SCN2A: variants seen among roughly 807,000 people sequenced by gnomAD.
The protein encoded by SCN2A is sodium voltage-gated channel alpha subunit 2.
Under a neutral mutation model 188.7 loss-of-function variants are expected in SCN2A, and 20 were observed. The ratio of observed to expected loss-of-function variants is 0.11; its 90% confidence interval spans 0.07 to 0.15. SCN2A has a LOEUF of 0.15. SCN2A is among the 10% of genes least tolerant of loss of function. The probability of loss-of-function intolerance (pLI) is 1.00; values close to 1 mark genes in which losing one functional copy is unlikely to be tolerated. For synonymous variants in SCN2A, 804 were observed against 833.1 expected, an observed-to-expected ratio of 0.97 and a Z score of 0.60; for missense variants, 1,278 against 2,445.0, an observed-to-expected ratio of 0.52 and a Z score of 10.07.
At chr2:165,291,889 C>G (rs1245390873) in intron 1 of SCN2A, among the ~76,000 whole-genome samples, 1 of 151,870 alleles carries the variant, frequency 6.6e-6, no homozygotes, top group Non-Finnish European at 1.5e-5. Flanking sequence ...TTACCCTGGA[C>G]AGAGTAATTA....
chr2:165,373,411 A>G, intron 21 of SCN2A, 64 bp downstream of exon 21: 1 of 1,577,220 alleles, frequency 6.3e-7, no homozygotes. Context: ...ACTTTGTACC[A>G]TGGAAATGTC....
intron 14 of SCN2A, among the ~76,000 whole-genome samples, chr2:165,332,400 A>AT (rs1431230164): frequency 7.2e-5 from 11 of 152,064 alleles, no homozygotes; most frequent in Admixed American, 7.2e-4. Context: ...TTGGCCTCTT[A>AT]TTTTGTATCA....
intron 18 of SCN2A, 116 bp from the exon 19 acceptor site, chr2:165,367,101 A>C: frequency 1.0e-6 from 1 of 993,236 alleles, no homozygotes. Flanking sequence ...TATCTTAAAA[A>C]TTAATGTTAT....
intron 4 of SCN2A, among the ~76,000 whole-genome samples, chr2:165,308,289 GTA>G (rs534986140): frequency 6.0e-4 from 92 of 152,066 alleles, no homozygotes; most frequent in African/African-American, 2.2e-3. Context: ...TGTGTTACTA[GTA>G]TATGTTTGAT....
At chr2:165,275,985 G>A (rs1695323279) in intron 1 of SCN2A, among the ~76,000 whole-genome samples, 1 of 151,892 alleles carries the variant, frequency 6.6e-6, no homozygotes, top group Non-Finnish European at 1.5e-5. Context: ...TGCCCTCCTC[G>A]GCCTCCCAAA....
rs1262526424 is a variant in SCN2A at position 165,391,586 on chromosome 2, G to A, written c.*1762G>A. 1 of 152,302 alleles carries A rather than the reference G, an allele frequency of 6.6e-6. No homozygotes were observed. The highest frequency in any genetic ancestry group is 2.4e-5 in the African/African-American group (1 of 41,354). The allele number at this position is 152,302 out of a possible 1,614,324, so 9.4% of individuals were successfully genotyped here. On this transcript the variant is annotated 3_prime_UTR_variant, in exon 27 of 27. Transcript: ENST00000375437. ...ACTGTAAACTTGCACACATTTCAATGTGAAACAAATCTCAAACTGAGTTCA... is the reference window on the plus strand; with the variant it reads ...ACTGTAAACTTGCACACATTTCAATATGAAACAAATCTCAAACTGAGTTCA...
chr2:165,265,468 GATCTATAT>G (rs1298041915), intron 1 of SCN2A, among the ~76,000 whole-genome samples: 223 of 19,780 alleles, frequency 0.011, 4 homozygotes, highest in Middle Eastern at 0.026. Flanking sequence ...TTACTCTGTT[GATCTATAT>G]ATATATATAT....
intron 6 of SCN2A, 72 bp from the exon 7 acceptor site, chr2:165,310,251 T>A: frequency 6.8e-7 from 1 of 1,473,788 alleles, no homozygotes; most frequent in Non-Finnish European, 9.5e-7. Flanking sequence ...CAGGACAAGC[T>A]CATGATATTT....
intron 25 of SCN2A, among the ~76,000 whole-genome samples, chr2:165,382,084 A>G: frequency 6.6e-6 from 1 of 152,100 alleles, no homozygotes. Flanking sequence ...TCTTTAGGAA[A>G]TAATACAATT....
intron 25 of SCN2A, among the ~76,000 whole-genome samples, chr2:165,383,370 G>T (rs552707827): frequency 2.6e-5 from 4 of 152,220 alleles, no homozygotes; most frequent in Admixed American, 2.6e-4. Flanking sequence ...GAAGGGGAAT[G>T]AATTTGTGAA....
At chr2:165,359,327 A>G (rs1377740443) in intron 17 of SCN2A, among the ~76,000 whole-genome samples, 2 of 152,110 alleles carry the variant, frequency 1.3e-5, no homozygotes, top group Non-Finnish European at 2.9e-5. Context: ...ACTTTCGGAT[A>G]ATAGCTTGTT....
chr2:165,295,879 G>A lies in SCN2A; in HGVS notation c.56G>A (p.Arg19Lys), dbSNP rs17183814. 0.075 allele frequency: 121,328 copies of A among 1,614,062 alleles called. 4,993 individuals are homozygous for A. The highest frequency in any genetic ancestry group is 0.12 in the South Asian group (10,652 of 91,082). The change falls in exon 2 of 27, where the codon AGG (arginine) becomes AAG (lysine). Residue 19 changes from arginine (R) to lysine (K), a missense_variant. Physicochemically the swap from Arg to Lys is conservative, Grantham distance 26. Coordinates refer to ENST00000375437, the MANE Select transcript of SCN2A (RefSeq NM_001040142.2). ...CCTGACAGCTTCCGCTTCTTTACCA[G>A]GGAATCCCTTGCTGCTATTGAACAA... Reference protein sequence around the residue: ...PGPDSFRFFTRESLAAIEQRI... With the variant: ...PGPDSFRFFTKESLAAIEQRI...
intron 1 of SCN2A, among the ~76,000 whole-genome samples, chr2:165,245,102 T>C (rs1244079345): frequency 1.3e-5 from 2 of 152,228 alleles, no homozygotes; most frequent in Non-Finnish European, 2.9e-5. Flanking sequence ...ATGGTGATGC[T>C]GTCTCTGTAT....
chr2:165,294,193 G>T, intron 1 of SCN2A: 1 of 798,546 alleles, frequency 1.3e-6, no homozygotes, highest in Non-Finnish European at 1.5e-6. Flanking sequence ...TACCTTTACA[G>T]TAGTAGAATC....
chr2:165,296,104 C>A lies in SCN2A; in HGVS notation c.267+14C>A. On this transcript the variant is annotated intron_variant, in intron 2 of 26. Coordinates refer to ENST00000375437, the MANE Select transcript of SCN2A (RefSeq NM_001040142.2). ...ATCAATAAGAAAGTGAGTTCTTAGTCAAGTTGCCTTCACTGCCTATTTACT... is the reference window on the plus strand; with the variant it reads ...ATCAATAAGAAAGTGAGTTCTTAGTAAAGTTGCCTTCACTGCCTATTTACT... 3 of 1,610,588 alleles carry A rather than the reference C, an allele frequency of 1.9e-6. 1 individual carries two copies. The highest frequency in any genetic ancestry group is 4.2e-4 in the Middle Eastern group (2 of 4,760).
chr2:165,331,436 C>T lies in SCN2A; in HGVS notation c.2256C>T (p.Val752=). The change falls in exon 14 of 27, where the codon GTC becomes GTT. Residue 752 remains valine, a synonymous_variant. Coordinates refer to ENST00000375437, the MANE Select transcript of SCN2A (RefSeq NM_001040142.2). ...CATGGTTAAAGGTGAAACACCTTGT[C>T]AACCTGGTTGTAATGGACCCATTTG... ...CKPWLKVKHL[V]NLVVMDPFVD... is the part of the protein sequence containing the mutation. The T allele has an allele frequency of 2.5e-6, 4 of 1,613,794 alleles. No homozygotes were observed. The South Asian group carries it at 4.4e-5, about 18-fold the overall frequency.
In SCN2A at chr2:165,386,896, C is replaced by A; in HGVS notation, c.4702C>A (p.Leu1568Met). The change falls in exon 26 of 27, where the codon CTG (leucine) becomes ATG (methionine). Residue 1568 changes from leucine to methionine, a missense_variant. Transcript: ENST00000375437. ...EMTNILYWIN[L>M]VFIVLFTGEC... Reference sequence around the variant, plus strand: ...GACAAACATTCTGTACTGGATTAATCTGGTGTTTATTGTTCTGTTCACTGG... The same window carrying A: ...GACAAACATTCTGTACTGGATTAATATGGTGTTTATTGTTCTGTTCACTGG... 6.2e-7 allele frequency: 1 copy of A among 1,613,894 alleles called. No individual in the cohort carries two copies. The highest frequency in any genetic ancestry group is 1.7e-4 in the Middle Eastern group (1 of 6,058).
intron 7 of SCN2A, 139 bp downstream of exon 7, chr2:165,310,734 T>A (rs1174943411): frequency 3.8e-6 from 2 of 529,586 alleles, no homozygotes; most frequent in Non-Finnish European, 6.1e-6. Flanking sequence ...ATAAAAGAGA[T>A]ATCAAATGAT....
At position 165,367,390 on chromosome 2, in the gene SCN2A, A is replaced by C. The variant is rs142439830; in HGVS notation, c.3675+19A>C. On this transcript the variant is annotated intron_variant, in intron 19 of 26. Transcript: ENST00000375437. ...GGCTCTGGTAGGTGATGCATGATCC[A>C]CTCCTTCACCTTTCATCTGAAATCT... 9 of 1,612,816 alleles carry C rather than the reference A, an allele frequency of 5.6e-6. No homozygotes were observed. The highest frequency in any genetic ancestry group is 6.8e-6 in the Non-Finnish European group (8 of 1,179,068).
Sources: gnomAD v4.1 joint callset for allele counts (sites outside exome capture counted in the v4.1 genomes callset) on GRCh38, gnomAD v4.1.1 for gene constraint, MANE v1.5 for transcripts, NCBI Gene and HGNC (gene_info 2026-07-23, HGNC 2026-07-21) for gene names.